Variants in CNTNAP2 observed in about 807,000 individuals in gnomAD.
CNTNAP2 encodes contactin associated protein 2, also known as contactin-associated protein-like 2.
CNTNAP2 carries 98 observed loss-of-function variants against 155.2 expected under a neutral mutation model. The observed-to-expected ratio is 0.63, with a 90% confidence interval of 0.54 to 0.75. The LOEUF (loss-of-function observed/expected upper bound fraction) is 0.75, where lower values mean the gene tolerates loss of function less well. Ranked by LOEUF, CNTNAP2 falls within the 30% of genes least tolerant of loss-of-function variation. CNTNAP2 has a pLI of 0.00. For missense variants in CNTNAP2, 1,727 were observed against 1,688.1 expected (o/e 1.02, Z -0.40); for synonymous variants, 651 against 631.2 (o/e 1.03, Z -0.47).
chr7:147,007,459 G>A (rs966716873), intron 3 of CNTNAP2, among the ~76,000 whole-genome samples: 1 of 151,972 alleles, frequency 6.6e-6, no homozygotes, highest in African/African-American at 2.4e-5. Context: ...AATAAATGCA[G>A]TAACTTGTCA....
chr7:146,626,831 A>G (rs1253165166), intron 1 of CNTNAP2, among the ~76,000 whole-genome samples: 1 of 152,122 alleles, frequency 6.6e-6, no homozygotes, highest in Non-Finnish European at 1.5e-5. Context: ...ACCCCATTTA[A>G]CCTGAATAAC....
intron 1 of CNTNAP2, among the ~76,000 whole-genome samples, chr7:146,123,900 C>A (rs1294905793): frequency 6.6e-6 from 1 of 152,090 alleles, no homozygotes; most frequent in Admixed American, 6.5e-5. Context: ...AAGTACACAC[C>A]ATGGAATACT....
chr7:146,715,607 GA>G (rs1801173886), intron 1 of CNTNAP2, among the ~76,000 whole-genome samples: 1 of 152,056 alleles, frequency 6.6e-6, no homozygotes, highest in Non-Finnish European at 1.5e-5. Flanking sequence ...TGGCACTGAG[GA>G]ACAAAAGAAA....
At chr7:147,812,523 A>G (rs1352174289) in intron 13 of CNTNAP2, among the ~76,000 whole-genome samples, 1 of 151,670 alleles carries the variant, frequency 6.6e-6, no homozygotes, top group Admixed American at 6.6e-5. Context: ...AAAAAAGTCA[A>G]TACAGGACCT....
chr7:147,358,662 A>T (rs1233918215), intron 9 of CNTNAP2, among the ~76,000 whole-genome samples: 1 of 152,100 alleles, frequency 6.6e-6, no homozygotes, highest in East Asian at 1.9e-4. Context: ...GTGACTACCA[A>T]GCATTTTCTC....
rs200976273 is a variant in CNTNAP2, at chr7:147,206,147, ACTT to A, written c.1348+73644_1348+73646del. 3.4e-3 allele frequency among the ~76,000 whole-genome samples: 516 copies of A among 152,094 alleles called. 1 individual carries two copies. Among genetic ancestry groups the A allele is most frequent in the Middle Eastern group, 6.8e-3 (2 of 294 alleles). The stretch of plus-strand genomic sequence containing the variant: ...ATGTAGAAAAAAAAGAAACGTAAAA[ACTT>A]CTTCTCAACTCATGCTTACAAGCTT... On this transcript the variant is annotated intron_variant, in intron 8 of 23. Transcript: ENST00000361727.
intron 1 of CNTNAP2, among the ~76,000 whole-genome samples, chr7:146,305,989 T>A (rs1311850496): frequency 6.6e-6 from 1 of 151,784 alleles, no homozygotes; most frequent in Non-Finnish European, 1.5e-5. Context: ...ACAAAATTGA[T>A]AGACCGCTAG....
At chr7:146,143,221 A>G (rs1002798485) in intron 1 of CNTNAP2, among the ~76,000 whole-genome samples, 8 of 152,172 alleles carry the variant, frequency 5.3e-5, no homozygotes, top group African/African-American at 1.7e-4. Context: ...AACTCAAGAC[A>G]TTTTTCTTCA....
intron 10 of CNTNAP2, among the ~76,000 whole-genome samples, chr7:147,470,905 G>C (rs191950903): frequency 6.6e-6 from 1 of 152,140 alleles, no homozygotes; most frequent in Non-Finnish European, 1.5e-5. Context: ...GTCGAGCTCG[G>C]GGGCACACCG....
chr7:147,921,882 A>G (rs186991550), intron 14 of CNTNAP2, among the ~76,000 whole-genome samples: 134 of 152,324 alleles, frequency 8.8e-4, no homozygotes, highest in Non-Finnish European at 1.3e-4. Context: ...AAGGCAGGAT[A>G]TCAATATGGG....
chr7:146,849,188 T>C (rs1794822471), intron 3 of CNTNAP2, among the ~76,000 whole-genome samples: 1 of 152,192 alleles, frequency 6.6e-6, no homozygotes, highest in Non-Finnish European at 1.5e-5. Flanking sequence ...CCTTGGAGTT[T>C]ATGCAGTCGC....
At chr7:147,967,000 C>G (rs1279543769) in intron 14 of CNTNAP2, among the ~76,000 whole-genome samples, 2 of 151,666 alleles carry the variant, frequency 1.3e-5, no homozygotes, top group Non-Finnish European at 2.9e-5. Flanking sequence ...TAAAAGAATA[C>G]TGGGCCATTA....
intron 17 of CNTNAP2, among the ~76,000 whole-genome samples, chr7:148,152,257 G>A (rs931017855): frequency 1.3e-5 from 2 of 151,986 alleles, no homozygotes; most frequent in Non-Finnish European, 2.9e-5. Flanking sequence ...TGAGGACTCA[G>A]AGGCTAGGGT....
intron 2 of CNTNAP2, among the ~76,000 whole-genome samples, chr7:146,776,738 C>G (rs1383818268): frequency 6.6e-6 from 1 of 152,046 alleles, no homozygotes; most frequent in East Asian, 1.9e-4. Context: ...TTTTTGCTCT[C>G]ATTTAATTCT....
At chr7:148,305,376 C>T (rs1195907495) in intron 21 of CNTNAP2, among the ~76,000 whole-genome samples, 1 of 151,954 alleles carries the variant, frequency 6.6e-6, no homozygotes, top group African/African-American at 2.4e-5. Context: ...AAAATCTTCC[C>T]TCAACATATT....
At chr7:146,557,299 T>C (rs887411122) in intron 1 of CNTNAP2, among the ~76,000 whole-genome samples, 10 of 152,036 alleles carry the variant, frequency 6.6e-5, no homozygotes, top group African/African-American at 2.4e-4. Context: ...CAGTATGTAC[T>C]ATATTGTTAC....
intron 19 of CNTNAP2, among the ~76,000 whole-genome samples, chr7:148,220,685 T>C (rs1795732724): frequency 6.6e-6 from 1 of 151,740 alleles, no homozygotes; most frequent in Admixed American, 6.6e-5. Context: ...GGATTGTGGA[T>C]GATTTTTTTT....
At chr7:147,830,763 T>C (rs1293315792) in intron 13 of CNTNAP2, among the ~76,000 whole-genome samples, 2 of 152,172 alleles carry the variant, frequency 1.3e-5, no homozygotes, top group African/African-American at 2.4e-5. Flanking sequence ...CTTCATTCCA[T>C]ACAGCATTCT....
intron 8 of CNTNAP2, among the ~76,000 whole-genome samples, chr7:147,217,516 T>C (rs1177481905): frequency 6.6e-6 from 1 of 152,024 alleles, no homozygotes; most frequent in Non-Finnish European, 1.5e-5. Context: ...TAGGTCATGT[T>C]GTATAATTCT....
Sources: allele counts gnomAD v4.1 joint callset (sites outside exome capture counted in the v4.1 genomes callset), GRCh38; gene constraint gnomAD v4.1.1; transcripts MANE v1.5; gene names NCBI Gene and HGNC (gene_info 2026-07-23, HGNC 2026-07-21).